ARL6IP6: variants seen among roughly 807,000 people sequenced by gnomAD.
ARL6IP6 encodes the protein ARF like GTPase 6 interacting protein 6.
Under a neutral mutation model 21.5 loss-of-function variants are expected in ARL6IP6, and 22 were observed. The observed-to-expected ratio is 1.02, with a 90% CI of 0.73 to 1.46. ARL6IP6 has a LOEUF of 1.46. ARL6IP6 is among the 40% of genes most tolerant of loss of function. ARL6IP6 has a pLI of 0.00. For synonymous variants in ARL6IP6, 164 were observed against 125.3 expected (o/e 1.31, Z -2.06); for missense variants, 388 against 299.8 (o/e 1.29, Z -2.17).
intron 3 of ARL6IP6, among the ~76,000 whole-genome samples, chr2:152,738,446 C>T (rs558997577): frequency 1.5e-4 from 23 of 152,340 alleles, no homozygotes; most frequent in South Asian, 2.1e-4. Flanking sequence ...AGAGGTTCTC[C>T]ATGAGGGCTC....
At chr2:152,746,632 A>G (rs1462820426) in intron 3 of ARL6IP6, among the ~76,000 whole-genome samples, 1 of 152,114 alleles carries the variant, frequency 6.6e-6, no homozygotes, top group Non-Finnish European at 1.5e-5. Flanking sequence ...AGTAAAAATA[A>G]TGGTACCCTC....
chr2:152,718,212 C>A, upstream of ARL6IP6: 1 of 454,982 alleles, frequency 2.2e-6, no homozygotes, highest in Non-Finnish European at 2.9e-6. Flanking sequence ...AATGTGTCTC[C>A]GAGGGCGCGA....
intron 3 of ARL6IP6, 87 bp from the exon 4 acceptor site, chr2:152,759,660 A>G (rs983763665): frequency 2.2e-5 from 22 of 1,016,150 alleles, no homozygotes; most frequent in South Asian, 1.3e-4. Context: ...CTCCAAGGTC[A>G]TAAGTATTTT....
At chr2:152,748,922 C>A (rs1701184216) in intron 3 of ARL6IP6, among the ~76,000 whole-genome samples, 1 of 152,100 alleles carries the variant, frequency 6.6e-6, no homozygotes, top group Admixed American at 6.5e-5. Flanking sequence ...TGAAACATGA[C>A]AAGAGACCTG....
chr2:152,737,194 C>T (rs1700592565), intron 3 of ARL6IP6, among the ~76,000 whole-genome samples: 1 of 152,146 alleles, frequency 6.6e-6, no homozygotes, highest in African/African-American at 2.4e-5. Context: ...TGACATCCCC[C>T]TCATAAACTA....
intron 1 of ARL6IP6, 88 bp downstream of exon 1, chr2:152,719,112 C>T (rs1699539295): frequency 7.2e-7 from 1 of 1,382,114 alleles, no homozygotes; most frequent in Non-Finnish European, 9.5e-7. Context: ...CTTTCCCTCG[C>T]GCTAAGCCCT....
At chr2:152,729,441 A>G (rs563848292) in intron 2 of ARL6IP6, among the ~76,000 whole-genome samples, 1 of 152,324 alleles carries the variant, frequency 6.6e-6, no homozygotes, top group South Asian at 2.1e-4. Flanking sequence ...GTGTGTATTT[A>G]TTTAAAAGCC....
chr2:152,746,948 C>G (rs1433413918), intron 3 of ARL6IP6, among the ~76,000 whole-genome samples: 1 of 151,154 alleles, frequency 6.6e-6, no homozygotes, highest in Admixed American at 6.6e-5. Flanking sequence ...GCCTCCGCCT[C>G]CCAAATTGCT....
chr2:152,752,921 C>T (rs754904056), intron 3 of ARL6IP6, among the ~76,000 whole-genome samples: 2 of 152,054 alleles, frequency 1.3e-5, no homozygotes, highest in Non-Finnish European at 2.9e-5. Context: ...AGGAAATTGG[C>T]CTTAGATTCC....
chr2:152,753,619 TA>T (rs566894411), intron 3 of ARL6IP6, among the ~76,000 whole-genome samples: 234 of 144,482 alleles, frequency 1.6e-3, no homozygotes, highest in Middle Eastern at 3.7e-3. Context: ...AGGTGTTTAT[TA>T]AAAAAAAAAA....
upstream of ARL6IP6, chr2:152,717,743 G>T: frequency 7.6e-7 from 1 of 1,314,652 alleles, no homozygotes; most frequent in Non-Finnish European, 9.8e-7. Flanking sequence ...AGCTTCCCGA[G>T]CTTAGACCGC....
At chr2:152,725,853 T>A (rs934376447) in intron 2 of ARL6IP6, among the ~76,000 whole-genome samples, 6 of 152,224 alleles carry the variant, frequency 3.9e-5, no homozygotes, top group Admixed American at 3.3e-4. Flanking sequence ...TGTATTTATT[T>A]CTTATGAAAA....
At chr2:152,734,881 C>G in intron 2 of ARL6IP6, 113 bp from the exon 3 acceptor site, 1 of 1,098,248 alleles carries the variant, frequency 9.1e-7, no homozygotes, top group Non-Finnish European at 1.3e-6. Context: ...AATATCAGAT[C>G]CATATAATTT....
intron 2 of ARL6IP6, among the ~76,000 whole-genome samples, chr2:152,729,148 G>A (rs1700182002): frequency 6.6e-6 from 1 of 152,144 alleles, no homozygotes; most frequent in Admixed American, 6.5e-5. Flanking sequence ...GAGGCGGGTG[G>A]AACATGAAGT....
chr2:152,727,724 C>G (rs1393674333), intron 2 of ARL6IP6, among the ~76,000 whole-genome samples: 1 of 151,100 alleles, frequency 6.6e-6, no homozygotes, highest in African/African-American at 2.4e-5. Flanking sequence ...ACATGCCGCA[C>G]AGGTCTGTAG....
In ARL6IP6 at chr2:152,718,929, G is replaced by A; in HGVS notation, c.305G>A (p.Arg102Gln). The change falls in exon 1 of 4, where the codon CGG becomes CAG. Residue 102 changes from arginine (R) to glutamine (Q), a missense_variant. Arg to Gln is a conservative substitution (Grantham distance 43). Coordinates refer to ENST00000326446, the MANE Select transcript of ARL6IP6 (RefSeq NM_152522.7). The part of the protein sequence containing the change: ...PAAAGSRAQP[R>Q]RWPVQVLSIL... ...GCCGCGGGCAGCAGAGCCCAGCCTC[G>A]GCGGTGGCCGGTCCAGGTCCTCTCT... The A allele has an allele frequency of 6.2e-7, 1 of 1,613,764 alleles. No homozygotes were observed. The highest frequency in any genetic ancestry group is 1.7e-5 in the Admixed American group (1 of 59,996).
At chr2:152,755,760 G>A (rs898157217) in intron 3 of ARL6IP6, among the ~76,000 whole-genome samples, 5 of 152,178 alleles carry the variant, frequency 3.3e-5, no homozygotes, top group African/African-American at 1.2e-4. Flanking sequence ...CGAATTGGTG[G>A]TAGTGGTCCC....
chr2:152,722,813 C>T (rs562257301), intron 2 of ARL6IP6, among the ~76,000 whole-genome samples: 1 of 152,152 alleles, frequency 6.6e-6, no homozygotes, highest in Admixed American at 6.5e-5. Flanking sequence ...GAGGCTGAGG[C>T]AGGAGAATCA....
Position 152,720,602 on chromosome 2 carries a change from C to A in ARL6IP6, c.454+16C>A. 1 of 1,608,804 alleles carries A rather than the reference C, an allele frequency of 6.2e-7. No homozygotes were observed. Among genetic ancestry groups the A allele is most frequent in the Non-Finnish European group, 8.5e-7 (1 of 1,176,592 alleles). On this transcript the variant is annotated intron_variant, in intron 2 of 3. Transcript: ENST00000326446. ...GGACTATTAGGTATGGACTTAATTG[C>A]CGCTTGCTTTGGTTTTGAGCTCACG...
Sources: allele counts gnomAD v4.1 joint callset (sites outside exome capture counted in the v4.1 genomes callset), GRCh38; gene constraint gnomAD v4.1.1; transcripts MANE v1.5; gene names NCBI Gene and HGNC (gene_info 2026-07-23, HGNC 2026-07-21).